The following ZSWIM5 variants were observed in gnomAD, a reference collection of about 807,000 sequenced individuals.
ZSWIM5 encodes zinc finger SWIM domain-containing protein 5.
Under a neutral mutation model 119.6 loss-of-function variants are expected in ZSWIM5, and 55 were observed. That is an observed-to-expected ratio of 0.46 (90% CI 0.37 to 0.58). ZSWIM5 has a LOEUF of 0.58. Among genes scored for constraint, ZSWIM5 ranks in the 20% least tolerant of loss-of-function variants. The probability of loss-of-function intolerance (pLI) is 0.00; values close to 1 mark genes in which losing one functional copy is unlikely to be tolerated. For missense variants in ZSWIM5, 1,193 were observed against 1,512.8 expected, an observed-to-expected ratio of 0.79 and a Z score of 3.51; for synonymous variants, 537 against 606.9, an observed-to-expected ratio of 0.88 and a Z score of 1.69.
At chr1:45,101,526 A>C (rs1645439557) in intron 1 of ZSWIM5, among the ~76,000 whole-genome samples, 1 of 152,176 alleles carries the variant, frequency 6.6e-6, no homozygotes, top group South Asian at 2.1e-4. Flanking sequence ...TTTGACCCAG[A>C]GATTCCACTA....
chr1:45,137,191 G>C (rs1645695180), intron 1 of ZSWIM5, among the ~76,000 whole-genome samples: 2 of 151,994 alleles, frequency 1.3e-5, no homozygotes, highest in African/African-American at 4.8e-5. Flanking sequence ...AGCCTCCCAA[G>C]TAGCTGGAAC....
Position 45,128,653 on chromosome 1 carries a change from T to C in ZSWIM5, c.596-40416A>G, listed in dbSNP as rs114350401. 9.7e-3 allele frequency among the ~76,000 whole-genome samples: 1,481 copies of C among 152,322 alleles called. 24 individuals carry two copies. Among genetic ancestry groups the C allele is most frequent in the African/African-American group, 0.034 (1,408 of 41,570 alleles). On this transcript the variant is annotated intron_variant, in intron 1 of 13. Transcript: ENST00000359600. ...TGTTTTAAAGTACATTTGTTAATAT[T>C]AGGGTCCATCCTTTATGTTGTATAG...
At position 45,035,838 on chromosome 1, in the gene ZSWIM5, G is replaced by A. The variant is rs1390327117; in HGVS notation, c.2156-15C>T. 6.2e-7 allele frequency: 1 copy of A among 1,611,908 alleles called. No individual in the cohort carries two copies. The highest frequency in any genetic ancestry group is 8.5e-7 in the Non-Finnish European group (1 of 1,179,214). ...GAAAGGACCTCCTGGAGGAAGATAA[G>A]CCAGCCAGTTATTTATCTGTATGCT... On this transcript the variant is annotated splice_polypyrimidine_tract_variant and intron_variant, in intron 9 of 13. Coordinates refer to ENST00000359600, the MANE Select transcript of ZSWIM5 (RefSeq NM_020883.2).
intron 1 of ZSWIM5, among the ~76,000 whole-genome samples, chr1:45,132,914 T>A (rs898399650): frequency 6.6e-6 from 1 of 152,194 alleles, no homozygotes; most frequent in Non-Finnish European, 1.5e-5. Context: ...GTTTCCAGCC[T>A]CATCCATGTC....
chr1:45,065,478 G>A lies in ZSWIM5; in HGVS notation c.953-5231C>T, dbSNP rs553065624. On this transcript the variant is annotated intron_variant, in intron 2 of 13. Transcript: ENST00000359600. ...CATTTGGCACCCAGGTGATGATAAC[G>A]GCAGTAGCTGTGGAAGAAATAAGGC... is the stretch of plus-strand genomic sequence containing the variant. Among the ~76,000 whole-genome samples the A allele has an allele frequency of 3.3e-5, 5 of 152,280 alleles. No homozygotes were observed. In the East Asian group the frequency reaches 5.8e-4, roughly 18 times the overall value.
intron 1 of ZSWIM5, among the ~76,000 whole-genome samples, chr1:45,127,906 G>GT (rs1439106157): frequency 6.6e-6 from 1 of 152,144 alleles, no homozygotes; most frequent in African/African-American, 2.4e-5. Context: ...AGACGAGGGA[G>GT]TATAATATAA....
chr1:45,175,784 T>C (rs1177653975), intron 1 of ZSWIM5, among the ~76,000 whole-genome samples: 1 of 151,864 alleles, frequency 6.6e-6, no homozygotes, highest in African/African-American at 2.4e-5. Flanking sequence ...CACAATGAAC[T>C]CATGGGTTTC....
chr1:45,115,947 C>CT (rs2149025858), intron 1 of ZSWIM5, among the ~76,000 whole-genome samples: 2 of 152,340 alleles, frequency 1.3e-5, no homozygotes, highest in South Asian at 4.1e-4. Flanking sequence ...CGCCACTGCA[C>CT]TCCAGCAAAA....
intron 2 of ZSWIM5, chr1:45,070,307 G>T: frequency 7.0e-7 from 1 of 1,423,202 alleles, no homozygotes; most frequent in Non-Finnish European, 9.9e-7. Context: ...TGATGAGGAA[G>T]TAAGACGCCA....
At chr1:45,020,405 G>A (rs1216074604) in intron 12 of ZSWIM5, among the ~76,000 whole-genome samples, 1 of 152,170 alleles carries the variant, frequency 6.6e-6, no homozygotes, top group Non-Finnish European at 1.5e-5. Context: ...AGAAGATAGG[G>A]ACCCCAGGGA....
At chr1:45,078,787 G>A (rs1348893482) in intron 2 of ZSWIM5, among the ~76,000 whole-genome samples, 4 of 152,174 alleles carry the variant, frequency 2.6e-5, no homozygotes, top group African/African-American at 9.7e-5. Flanking sequence ...CTCTGGGTGT[G>A]TCCAGAGGTG....
intron 1 of ZSWIM5, among the ~76,000 whole-genome samples, chr1:45,118,336 C>T (rs562624013): frequency 1.3e-5 from 2 of 152,228 alleles, no homozygotes; most frequent in African/African-American, 4.8e-5. Context: ...CTAAATGTAA[C>T]AGTAATTTTT....
chr1:45,039,216 C>T lies in ZSWIM5; in HGVS notation c.1757-143G>A, dbSNP rs140637988. ...TCTATTGTCTTGCCTTGGGTTGATA[C>T]GGCTGGCCACAAACATACCAGCCAG... On this transcript the variant is annotated intron_variant, in intron 7 of 13. Transcript: ENST00000359600. 1,240 of 1,046,858 alleles carry T rather than the reference C, an allele frequency of 1.2e-3. 16 individuals carry two copies. The African/African-American group carries it at 0.018, about 15-fold the overall frequency. The allele number at this position is 1,046,858 out of a possible 1,614,324, so 64.8% of individuals were successfully genotyped here.
intron 1 of ZSWIM5, among the ~76,000 whole-genome samples, chr1:45,150,533 G>T (rs942281638): frequency 6.6e-6 from 1 of 152,118 alleles, no homozygotes; most frequent in African/African-American, 2.4e-5. Context: ...TGCTTAGAAT[G>T]CATTTACTAC....
chr1:45,189,164 A>C (rs1313155282), intron 1 of ZSWIM5, among the ~76,000 whole-genome samples: 7 of 152,042 alleles, frequency 4.6e-5, no homozygotes, highest in Non-Finnish European at 1.0e-4. Context: ...ATAATACAAA[A>C]ATTAGCCAGG....
At chr1:45,043,653 G>A (rs947428992) in intron 5 of ZSWIM5, among the ~76,000 whole-genome samples, 3 of 152,114 alleles carry the variant, frequency 2.0e-5, no homozygotes, top group Admixed American at 2.0e-4. Context: ...TTCCCACAGA[G>A]ATCTATGGCT....
chr1:45,147,321 G>A (rs1645767664), intron 1 of ZSWIM5, among the ~76,000 whole-genome samples: 1 of 151,678 alleles, frequency 6.6e-6, no homozygotes, highest in Non-Finnish European at 1.5e-5. Flanking sequence ...ATCAAAACAT[G>A]GCTAAACTTC....
chr1:45,200,167 C>T (rs1045149623), intron 1 of ZSWIM5, among the ~76,000 whole-genome samples: 1 of 152,110 alleles, frequency 6.6e-6, no homozygotes, highest in African/African-American at 2.4e-5. Context: ...TTAGGACAAA[C>T]CACATTATAC....
intron 1 of ZSWIM5, among the ~76,000 whole-genome samples, chr1:45,161,209 G>A (rs1391392965): frequency 6.6e-6 from 1 of 152,038 alleles, no homozygotes; most frequent in African/African-American, 2.4e-5. Flanking sequence ...TAGTGCTAAT[G>A]ATAAACATCC....
Sources: allele counts gnomAD v4.1 joint callset (sites outside exome capture counted in the v4.1 genomes callset), GRCh38; gene constraint gnomAD v4.1.1; transcripts MANE v1.5; gene names NCBI Gene and HGNC (gene_info 2026-07-23, HGNC 2026-07-21).